ADAMTSL1: variants seen among roughly 807,000 people sequenced by gnomAD.
ADAMTSL1 encodes the protein ADAMTS like 1.
In ADAMTSL1, 126 loss-of-function variants were observed where a neutral mutation model predicts 201.8. That is an observed-to-expected ratio of 0.62 (90% CI 0.54 to 0.72). The LOEUF is 0.72. Ranked by LOEUF, ADAMTSL1 falls within the 30% of genes least tolerant of loss-of-function variation. ADAMTSL1 has a pLI of 0.00. For synonymous variants in ADAMTSL1, 1,121 were observed against 903.4 expected, an observed-to-expected ratio of 1.24 and a Z score of -4.32; for missense variants, 2,679 against 2,277.8, an observed-to-expected ratio of 1.18 and a Z score of -3.59.
chr9:17,936,979 T>C (rs1269067373), intron 1 of ADAMTSL1, among the ~76,000 whole-genome samples: 5 of 152,118 alleles, frequency 3.3e-5, no homozygotes, highest in Non-Finnish European at 2.9e-5. Context: ...CTGCCAGCCA[T>C]GCAGGATGCA....
chr9:18,737,473 G>T (rs941624406), intron 15 of ADAMTSL1, among the ~76,000 whole-genome samples: 1 of 152,122 alleles, frequency 6.6e-6, no homozygotes, highest in Non-Finnish European at 1.5e-5. Context: ...TCTAGTGATT[G>T]AGGGATGATT....
chr9:18,673,700 A>G (rs1234961408), intron 9 of ADAMTSL1, among the ~76,000 whole-genome samples: 1 of 152,218 alleles, frequency 6.6e-6, no homozygotes, highest in Non-Finnish European at 1.5e-5. Context: ...CTAATATTGA[A>G]GATGACAAAT....
At chr9:18,123,724 G>A (rs949567610) in intron 1 of ADAMTSL1, among the ~76,000 whole-genome samples, 2 of 152,130 alleles carry the variant, frequency 1.3e-5, no homozygotes, top group African/African-American at 4.8e-5. Context: ...GAACATTGCT[G>A]TCACCCCAGG....
chr9:18,465,330 T>A (rs1820962774), intron 2 of ADAMTSL1, among the ~76,000 whole-genome samples: 1 of 152,228 alleles, frequency 6.6e-6, no homozygotes, highest in Non-Finnish European at 1.5e-5. Flanking sequence ...ATACATGTTG[T>A]GATAAACACA....
chr9:18,455,779 C>T (rs986017280), intron 2 of ADAMTSL1, among the ~76,000 whole-genome samples: 1 of 128,010 alleles, frequency 7.8e-6, no homozygotes, highest in Non-Finnish European at 1.6e-5. Flanking sequence ...AATGTACATA[C>T]ATACACATAT....
chr9:18,798,097 A>G (rs1009269309), intron 20 of ADAMTSL1, among the ~76,000 whole-genome samples: 10 of 76,478 alleles, frequency 1.3e-4, no homozygotes, highest in Admixed American at 3.1e-4. Flanking sequence ...CCAAAGAGGA[A>G]AAAAAAAAAA....
chr9:18,722,773 A>T (rs1211104449), intron 15 of ADAMTSL1, among the ~76,000 whole-genome samples: 2 of 152,200 alleles, frequency 1.3e-5, no homozygotes, highest in African/African-American at 4.8e-5. Flanking sequence ...ATATTCTCCA[A>T]GGCAACCATA....
intron 2 of ADAMTSL1, among the ~76,000 whole-genome samples, chr9:18,433,485 C>T (rs1819587876): frequency 6.6e-6 from 1 of 152,028 alleles, no homozygotes; most frequent in Admixed American, 6.6e-5. Context: ...TAAGAAAAAA[C>T]AATTTTGAAC....
intron 23 of ADAMTSL1, among the ~76,000 whole-genome samples, chr9:18,848,460 A>G (rs776830163): frequency 1.3e-5 from 2 of 151,994 alleles, no homozygotes; most frequent in Non-Finnish European, 2.9e-5. Context: ...CTTCCATCCT[A>G]TTTCTCTCTC....
chr9:18,182,197 G>T (rs915079443), intron 2 of ADAMTSL1, among the ~76,000 whole-genome samples: 2 of 150,920 alleles, frequency 1.3e-5, no homozygotes, highest in African/African-American at 2.4e-5. Flanking sequence ...TAGATGACGA[G>T]TTAGTGGGTG....
At chr9:18,852,245 T>C (rs1826542837) in intron 23 of ADAMTSL1, among the ~76,000 whole-genome samples, 1 of 152,246 alleles carries the variant, frequency 6.6e-6, no homozygotes, top group African/African-American at 2.4e-5. Context: ...ATGGAAGTCC[T>C]CTCTGCCTTT....
intron 15 of ADAMTSL1, among the ~76,000 whole-genome samples, chr9:18,743,327 G>C (rs1250880555): frequency 1.3e-5 from 2 of 152,164 alleles, no homozygotes; most frequent in Non-Finnish European, 1.5e-5. Context: ...TGTAAAGGAA[G>C]TAGGTTTAGA....
chr9:18,361,567 A>C (rs921842092), intron 2 of ADAMTSL1, among the ~76,000 whole-genome samples: 1 of 152,206 alleles, frequency 6.6e-6, no homozygotes, highest in Non-Finnish European at 1.5e-5. Flanking sequence ...TAGGGAAATT[A>C]TATTTTCAGC....
chr9:18,524,335 T>C (rs1404289327), intron 2 of ADAMTSL1, among the ~76,000 whole-genome samples: 2 of 152,186 alleles, frequency 1.3e-5, no homozygotes, highest in Non-Finnish European at 2.9e-5. Context: ...TTAAGGAGAT[T>C]TTGGGCTGAG....
At chr9:18,311,985 C>G (rs956643796) in intron 2 of ADAMTSL1, among the ~76,000 whole-genome samples, 95 of 152,172 alleles carry the variant, frequency 6.2e-4, no homozygotes, top group African/African-American at 2.3e-3. Flanking sequence ...CTTTTACGTG[C>G]TGTTCTGGGC....
At chr9:18,115,635 A>G (rs1431407971) in intron 1 of ADAMTSL1, among the ~76,000 whole-genome samples, 2 of 152,174 alleles carry the variant, frequency 1.3e-5, no homozygotes, top group Non-Finnish European at 2.9e-5. Flanking sequence ...ATATTAATTC[A>G]CTTAATATTC....
At chr9:18,419,298 C>A (rs924434376) in intron 2 of ADAMTSL1, among the ~76,000 whole-genome samples, 11 of 152,104 alleles carry the variant, frequency 7.2e-5, no homozygotes, top group South Asian at 2.1e-4. Flanking sequence ...GCAAAGAGTT[C>A]TTAGACATGA....
intron 2 of ADAMTSL1, among the ~76,000 whole-genome samples, chr9:18,422,739 T>C (rs1020498642): frequency 1.3e-5 from 2 of 152,218 alleles, no homozygotes; most frequent in African/African-American, 4.8e-5. Context: ...CTTCTTTTTC[T>C]GTGTTCCTGC....
At chr9:18,121,407 C>G (rs1021641543) in intron 1 of ADAMTSL1, among the ~76,000 whole-genome samples, 1 of 152,130 alleles carries the variant, frequency 6.6e-6, no homozygotes, top group Non-Finnish European at 1.5e-5. Flanking sequence ...AAATACCCAC[C>G]CACAATTTCA....
Sources: gnomAD v4.1 joint callset for allele counts (sites outside exome capture counted in the v4.1 genomes callset) on GRCh38, gnomAD v4.1.1 for gene constraint, MANE v1.5 for transcripts, NCBI Gene and HGNC (gene_info 2026-07-23, HGNC 2026-07-21) for gene names.